CHID1: variants seen among roughly 807,000 people sequenced by gnomAD.
CHID1 encodes chitinase domain containing 1.
In CHID1, 44 loss-of-function variants were observed where a neutral mutation model predicts 55.4. The ratio of observed to expected loss-of-function variants is 0.79; its 90% CI spans 0.62 to 1.02. CHID1 has a LOEUF of 1.02. CHID1 is among the 50% of genes least tolerant of loss of function. The pLI is 0.00. For missense variants in CHID1, 491 were observed against 515.3 expected, an observed-to-expected ratio of 0.95 and a Z score of 0.46; for synonymous variants, 216 against 212.9, an observed-to-expected ratio of 1.01 and a Z score of -0.13.
intron 10 of CHID1, among the ~76,000 whole-genome samples, chr11:872,629 C>T (rs1388643603): frequency 6.6e-6 from 1 of 152,240 alleles, no homozygotes; most frequent in Non-Finnish European, 1.5e-5. Flanking sequence ...GTCATGGAGG[C>T]TGCCAGCATA....
chr11:876,751 G>A (rs1179757728), intron 10 of CHID1, among the ~76,000 whole-genome samples: 1 of 152,258 alleles, frequency 6.6e-6, no homozygotes, highest in Non-Finnish European at 1.5e-5. Context: ...AGTCTTGGCA[G>A]CCGTTTATTT....
At chr11:905,481 C>T (rs949129361) in intron 1 of CHID1, among the ~76,000 whole-genome samples, 4 of 152,144 alleles carry the variant, frequency 2.6e-5, no homozygotes, top group Non-Finnish European at 5.9e-5. Context: ...ACCAGCCTGA[C>T]CAACATGGTG....
intron 7 of CHID1, among the ~76,000 whole-genome samples, chr11:896,418 AACG>A (rs774049357): frequency 8.9e-6 from 1 of 111,758 alleles, no homozygotes. Context: ...ATCCAGACAC[AACG>A]AGCCTGTCTC....
At chr11:898,586 C>G (rs1422495147) in intron 7 of CHID1, among the ~76,000 whole-genome samples, 2 of 152,224 alleles carry the variant, frequency 1.3e-5, no homozygotes, top group Non-Finnish European at 2.9e-5. Flanking sequence ...GGGCAGTCGC[C>G]CACTTTGGCA....
Position 883,231 on chromosome 11 carries a change from T to C in CHID1, c.876A>G (p.Arg292=). ...VQVLDPKSKW[R]SKILLGLNFY... is the part of the protein sequence containing the mutation. ...AGTTGAGCCCCAGGAGGATTTTGCT[T>C]CGCCACTTGGACTTCGGGTCCAGGA... The change falls in exon 10 of 13, where the codon CGA becomes CGG. Residue 292 remains arginine (R), a synonymous_variant. Coordinates refer to ENST00000323578, the MANE Select transcript of CHID1 (RefSeq NM_023947.4). 6.2e-7 allele frequency: 1 copy of C among 1,614,166 alleles called. No individual in the cohort carries two copies. Among genetic ancestry groups the C allele is most frequent in the South Asian group, 1.1e-5 (1 of 91,084 alleles).
At chr11:888,535 A>G (rs1007935728) in intron 8 of CHID1, among the ~76,000 whole-genome samples, 1 of 152,242 alleles carries the variant, frequency 6.6e-6, no homozygotes, top group Admixed American at 6.5e-5. Flanking sequence ...GCAATGAGGT[A>G]ACAGCTTGTC....
chr11:910,626 C>T, intron 1 of CHID1, 149 bp downstream of exon 1: 4 of 1,263,484 alleles, frequency 3.2e-6, no homozygotes, highest in Non-Finnish European at 3.1e-6. Flanking sequence ...CACACACTTG[C>T]TCTCTCTCAC....
At chr11:893,621 G>T in intron 7 of CHID1, 102 bp from the exon 8 acceptor site, 1 of 884,270 alleles carries the variant, frequency 1.1e-6, no homozygotes, top group Non-Finnish European at 1.7e-6. Flanking sequence ...CTGGTCCCCA[G>T]CCTGACACCC....
At chr11:884,001 C>G in intron 9 of CHID1, 67 bp downstream of exon 9, 4 of 1,261,836 alleles carry the variant, frequency 3.2e-6, no homozygotes, top group Non-Finnish European at 4.6e-6. Flanking sequence ...AGGAGCCCCC[C>G]AGGTCCACAC....
At chr11:909,388 C>T (rs1208316365) in intron 1 of CHID1, among the ~76,000 whole-genome samples, 3 of 152,358 alleles carry the variant, frequency 2.0e-5, no homozygotes, top group Non-Finnish European at 2.9e-5. Flanking sequence ...CGACCCTGGT[C>T]ACCCAAAGGG....
intron 10 of CHID1, 49 bp from the exon 11 acceptor site, chr11:870,548 G>T: frequency 1.5e-6 from 2 of 1,336,274 alleles, no homozygotes; most frequent in East Asian, 2.4e-5. Context: ...CTCCCCCACA[G>T]CCCCACCCTG....
chr11:888,393 A>C (rs1378923659), intron 8 of CHID1, among the ~76,000 whole-genome samples: 2 of 152,096 alleles, frequency 1.3e-5, no homozygotes, highest in Non-Finnish European at 2.9e-5. Flanking sequence ...TGCAAGAAAC[A>C]CTGCAAAAGG....
chr11:893,601 AG>A, intron 7 of CHID1, 82 bp from the exon 8 acceptor site: 1 of 1,176,476 alleles, frequency 8.5e-7, no homozygotes, highest in Non-Finnish European at 1.2e-6. Flanking sequence ...TGCCTCAGGG[AG>A]GGGTGGGGCT....
chr11:881,798 T>C (rs1393081612), intron 10 of CHID1, among the ~76,000 whole-genome samples: 1 of 149,244 alleles, frequency 6.7e-6, no homozygotes, highest in African/African-American at 2.5e-5. Flanking sequence ...GCCTAGGAAT[T>C]TGAGACCAGC....
chr11:893,274 C>CA (rs1332489529), intron 8 of CHID1, among the ~76,000 whole-genome samples, 153 bp downstream of exon 8: 1 of 152,222 alleles, frequency 6.6e-6, no homozygotes, highest in African/African-American at 2.4e-5. Context: ...CACAGGGGCA[C>CA]AGAGTGTGTG....
intron 3 of CHID1, among the ~76,000 whole-genome samples, chr11:902,585 G>C (rs1031882901): frequency 6.6e-6 from 1 of 152,198 alleles, no homozygotes; most frequent in Admixed American, 6.5e-5. Flanking sequence ...CCTGGAGCTA[G>C]TGCACACCAC....
At chr11:876,941 G>T (rs1237824325) in intron 10 of CHID1, among the ~76,000 whole-genome samples, 1 of 152,164 alleles carries the variant, frequency 6.6e-6, no homozygotes, top group Admixed American at 6.5e-5. Flanking sequence ...CCCTCCAGTG[G>T]TCCTGCATCC....
Position 899,398 on chromosome 11 carries a change from G to C in CHID1, c.550C>G (p.Gln184Glu). 1.9e-6 allele frequency: 3 copies of C among 1,600,770 alleles called. No homozygotes were observed. The highest frequency in any genetic ancestry group is 2.6e-6 in the Non-Finnish European group (3 of 1,173,476). The change falls in exon 7 of 13, where the codon CAG becomes GAG. Residue 184 changes from glutamine to glutamate, a missense_variant. Coordinates refer to ENST00000323578, the MANE Select transcript of CHID1 (RefSeq NM_023947.4). ...SKTVVQVAKNQHFDGFVVEVW... is the reference protein window; with the variant it reads ...SKTVVQVAKNEHFDGFVVEVW... ...TCCACCACGAAGCCATCGAAATGCT[G>C]GTTCTGAAAGAAGCAGTCACAGGTG... is the stretch of plus-strand genomic sequence containing the variant.
upstream of CHID1, among the ~76,000 whole-genome samples, chr11:913,221 G>A (rs1442439988): frequency 1.3e-5 from 2 of 151,718 alleles, no homozygotes; most frequent in African/African-American, 4.8e-5. Context: ...GTGGATTATG[G>A]TTCACTGCAG....
Sources: gnomAD v4.1 joint callset for allele counts (sites outside exome capture counted in the v4.1 genomes callset) on GRCh38, gnomAD v4.1.1 for gene constraint, MANE v1.5 for transcripts, NCBI Gene and HGNC (gene_info 2026-07-23, HGNC 2026-07-21) for gene names.